Variants in KCNQ5 observed in about 807,000 individuals in gnomAD.
KCNQ5 encodes potassium voltage-gated channel subfamily Q member 5.
Under a neutral mutation model 98.2 loss-of-function variants are expected in KCNQ5, and 30 were observed. The ratio of observed to expected loss-of-function variants is 0.31; its 90% CI spans 0.23 to 0.41. KCNQ5 has a LOEUF of 0.41. Ranked by LOEUF, KCNQ5 falls within the 10% of genes least tolerant of loss-of-function variation. KCNQ5 has a pLI of 1.00. For synonymous variants in KCNQ5, 458 were observed against 449.4 expected (o/e 1.02, Z -0.24); for missense variants, 835 against 1,182.5 (o/e 0.71, Z 4.31).
At chr6:72,725,862 T>G (rs1770235804) in intron 1 of KCNQ5, among the ~76,000 whole-genome samples, 1 of 152,224 alleles carries the variant, frequency 6.6e-6, no homozygotes, top group African/African-American at 2.4e-5. Context: ...GTGTCTTTTA[T>G]TCTTAGTAAC....
intron 1 of KCNQ5, among the ~76,000 whole-genome samples, chr6:72,869,703 CA>C (rs904113588): frequency 7.9e-4 from 119 of 150,186 alleles, no homozygotes; most frequent in African/African-American, 2.7e-3. Flanking sequence ...TTTTTAATGA[CA>C]AAAAAAAATG....
chr6:73,167,589 T>C (rs1777854820), intron 10 of KCNQ5, among the ~76,000 whole-genome samples: 1 of 152,194 alleles, frequency 6.6e-6, no homozygotes, highest in Non-Finnish European at 1.5e-5. Context: ...AGTATGAAAA[T>C]TAATATATGC....
intron 1 of KCNQ5, among the ~76,000 whole-genome samples, chr6:72,931,102 A>T (rs377025068): frequency 6.6e-6 from 1 of 152,186 alleles, no homozygotes; most frequent in African/African-American, 2.4e-5. Context: ...GTATAAAAGC[A>T]TACAGACTCT....
chr6:72,949,384 C>A (rs1766694747), intron 1 of KCNQ5, among the ~76,000 whole-genome samples: 1 of 152,182 alleles, frequency 6.6e-6, no homozygotes, highest in Non-Finnish European at 1.5e-5. Context: ...CATGTTGAAA[C>A]AGAGCCTCCC....
At chr6:73,107,070 G>A (rs1166763335) in intron 6 of KCNQ5, among the ~76,000 whole-genome samples, 1 of 152,080 alleles carries the variant, frequency 6.6e-6, no homozygotes, top group Non-Finnish European at 1.5e-5. Flanking sequence ...TTCCCTACAG[G>A]AAAATACCTT....
chr6:72,624,605 T>C (rs996923960), intron 1 of KCNQ5, among the ~76,000 whole-genome samples: 3 of 152,238 alleles, frequency 2.0e-5, no homozygotes, highest in African/African-American at 7.2e-5. Flanking sequence ...GGTTCAAGGT[T>C]GGATACTTCT....
intron 1 of KCNQ5, among the ~76,000 whole-genome samples, chr6:72,753,375 G>A (rs1206555720): frequency 6.6e-6 from 1 of 151,980 alleles, no homozygotes; most frequent in Non-Finnish European, 1.5e-5. Flanking sequence ...TTGGATATTT[G>A]GTTTGGTGAT....
At chr6:72,938,958 A>G (rs913506647) in intron 1 of KCNQ5, among the ~76,000 whole-genome samples, 2 of 152,230 alleles carry the variant, frequency 1.3e-5, no homozygotes, top group Non-Finnish European at 2.9e-5. Context: ...TTTCAGACCT[A>G]GAACAGATTT....
Position 73,156,820 on chromosome 6 carries a change from T to G in KCNQ5, c.1469-12926T>G, listed in dbSNP as rs75059690. On this transcript the variant is annotated intron_variant, in intron 10 of 13. Coordinates refer to ENST00000370398, the MANE Select transcript of KCNQ5 (RefSeq NM_019842.4). ...GAGGAGCAGCGGCAGGCAGAGTGAC[T>G]GTGGAGAGGTGAACAGTACGGCAGA... Among the ~76,000 whole-genome samples, 725 of 152,262 alleles carry G rather than the reference T, an allele frequency of 4.8e-3. 7 individuals carry two copies. The highest frequency in any genetic ancestry group is 0.016 in the African/African-American group (656 of 41,548).
intron 1 of KCNQ5, among the ~76,000 whole-genome samples, chr6:72,834,723 C>T (rs1227487117): frequency 6.6e-6 from 1 of 152,110 alleles, no homozygotes; most frequent in East Asian, 1.9e-4. Context: ...CCTTAGAAAA[C>T]CAAAGCAAGG....
In KCNQ5 at chr6:72,622,075, G is replaced by A; in HGVS notation, c.-115G>A. On this transcript the variant is annotated 5_prime_UTR_variant, in exon 1 of 14. Transcript: ENST00000370398. The surrounding 1 kb of genome is among the most constrained non-coding windows in gnomAD (Gnocchi z 6.0). ...CCCGCCCCCGGCTCAGAGGTCTCTG[G>A]CTGGCGGGCGCCCCGTCGGCCGCCG... 1.1e-6 allele frequency: 1 copy of A among 911,492 alleles called. No individual in the cohort carries two copies. Among genetic ancestry groups the A allele is most frequent in the Non-Finnish European group, 1.4e-6 (1 of 703,536 alleles). 56.5% of individuals were successfully genotyped at this position (911,492 alleles called of 1,614,324 possible). A position where few individuals can be genotyped will look rare whatever the true frequency, so the allele number is the denominator to read the frequency against.
chr6:73,063,448 C>A (rs1772874488), intron 3 of KCNQ5, among the ~76,000 whole-genome samples: 1 of 152,006 alleles, frequency 6.6e-6, no homozygotes, highest in African/African-American at 2.4e-5. Flanking sequence ...CTTTTAAGCA[C>A]AGATAAGAGC....
At chr6:72,799,630 T>A (rs1012644830) in intron 1 of KCNQ5, among the ~76,000 whole-genome samples, 1 of 152,236 alleles carries the variant, frequency 6.6e-6, no homozygotes, top group Non-Finnish European at 1.5e-5. Flanking sequence ...GTAACATTTC[T>A]TTGAGATCAA....
At chr6:72,884,231 C>G (rs1305255206) in intron 1 of KCNQ5, among the ~76,000 whole-genome samples, 1 of 152,140 alleles carries the variant, frequency 6.6e-6, no homozygotes, top group Non-Finnish European at 1.5e-5. Context: ...AACCCAGAGC[C>G]TACAAATCCT....
chr6:73,053,211 A>T (rs1461154797), intron 3 of KCNQ5, among the ~76,000 whole-genome samples: 1 of 152,230 alleles, frequency 6.6e-6, no homozygotes, highest in Non-Finnish European at 1.5e-5. Context: ...TCCTAAATAG[A>T]TATGCATCCA....
At chr6:73,119,766 A>G (rs951462804) in intron 7 of KCNQ5, among the ~76,000 whole-genome samples, 1 of 152,156 alleles carries the variant, frequency 6.6e-6, no homozygotes, top group Admixed American at 6.5e-5. Context: ...TTAAAGATCA[A>G]TCTCTAGAAT....
rs186573806 is a variant in KCNQ5 at position 73,062,333 on chromosome 6, A to T, written c.617-14989A>T. 3.0e-3 allele frequency among the ~76,000 whole-genome samples: 451 copies of T among 152,334 alleles called. 2 individuals are homozygous for T. Among genetic ancestry groups the T allele is most frequent in the Non-Finnish European group, 4.9e-3 (332 of 68,032 alleles). ...TTACTCGATTCAGCGTCTTCTATGCAAACCATGCTTTCAGCCTTGTGCAGA... is the reference window on the plus strand; with the variant it reads ...TTACTCGATTCAGCGTCTTCTATGCTAACCATGCTTTCAGCCTTGTGCAGA... On this transcript the variant is annotated intron_variant, in intron 3 of 13. Coordinates refer to ENST00000370398, the MANE Select transcript of KCNQ5 (RefSeq NM_019842.4).
chr6:73,027,933 A>G (rs1770963530), intron 2 of KCNQ5, among the ~76,000 whole-genome samples: 1 of 152,222 alleles, frequency 6.6e-6, no homozygotes, highest in Non-Finnish European at 1.5e-5. Context: ...AGTGTAAACA[A>G]TTTATAGTCT....
intron 1 of KCNQ5, among the ~76,000 whole-genome samples, chr6:72,730,828 T>C (rs1770518133): frequency 7.7e-6 from 1 of 129,998 alleles, no homozygotes; most frequent in Non-Finnish European, 1.5e-5. Flanking sequence ...AATGAGTTTA[T>C]TTTGTTCTGA....
Sources: allele counts gnomAD v4.1 joint callset (sites outside exome capture counted in the v4.1 genomes callset), GRCh38; gene constraint gnomAD v4.1.1; non-coding constraint Gnocchi (gnomAD v3.1); transcripts MANE v1.5; gene names NCBI Gene and HGNC (gene_info 2026-07-23, HGNC 2026-07-21).